ABTB2: variants seen among roughly 807,000 people sequenced by gnomAD.
ABTB2 encodes ankyrin repeat and BTB domain containing 2, also known as ankyrin repeat and BTB/POZ domain-containing protein 2.
In ABTB2, 56 loss-of-function variants were observed where a neutral mutation model predicts 104.1. The observed-to-expected ratio is 0.54, with a 90% confidence interval of 0.43 to 0.67. The LOEUF (loss-of-function observed/expected upper bound fraction) is 0.67. ABTB2 is among the 30% of genes least tolerant of loss of function. ABTB2 has a pLI of 0.00. For synonymous variants in ABTB2, 606 were observed against 608.2 expected, an observed-to-expected ratio of 1.00 and a Z score of 0.05; for missense variants, 1,279 against 1,407.7, an observed-to-expected ratio of 0.91 and a Z score of 1.46.
At chr11:34,260,701 C>A (rs773398100) in intron 1 of ABTB2, among the ~76,000 whole-genome samples, 8 of 152,160 alleles carry the variant, frequency 5.3e-5, no homozygotes, top group Non-Finnish European at 1.0e-4. Context: ...AATCGGTACC[C>A]CTCATTTTAC....
intron 1 of ABTB2, among the ~76,000 whole-genome samples, chr11:34,346,147 C>A (rs550152799): frequency 1.3e-5 from 2 of 152,212 alleles, no homozygotes; most frequent in African/African-American, 2.4e-5. Context: ...TTTGAAACAC[C>A]GGCCCTGCCA....
intron 1 of ABTB2, among the ~76,000 whole-genome samples, chr11:34,293,463 TAG>T (rs1319193992): frequency 2.6e-5 from 4 of 152,088 alleles, no homozygotes; most frequent in African/African-American, 9.7e-5. Context: ...AGGGTGGGCC[TAG>T]AGAGCTCTCT....
At position 34,152,537 on chromosome 11, in the gene ABTB2, G is replaced by C. The variant is rs753941809; in HGVS notation, c.2928C>G (p.Leu976=). The C allele has an allele frequency of 1.2e-5, 20 of 1,612,656 alleles. No individual in the cohort carries two copies. In the African/African-American group the frequency reaches 2.5e-4, roughly 20 times the overall value. The change falls in exon 17 of 17, where the codon CTC becomes CTG. Residue 976 remains leucine, a synonymous_variant. Coordinates refer to ENST00000435224, the MANE Select transcript of ABTB2 (RefSeq NM_145804.3). ...GCTCCAGTAGGGCCTTCATGTGCTTGAGGAAGAAGCCCTCACAGAACAGGG... is the reference window on the plus strand; with the variant it reads ...GCTCCAGTAGGGCCTTCATGTGCTTCAGGAAGAAGCCCTCACAGAACAGGG... The part of the protein sequence containing the change: ...ELALFCEGFF[L]KHMKALLEQD...
chr11:34,308,414 A>G (rs1446804219), intron 1 of ABTB2, among the ~76,000 whole-genome samples: 3 of 152,250 alleles, frequency 2.0e-5, no homozygotes, highest in Non-Finnish European at 2.9e-5. Context: ...AAAAGCAGGC[A>G]TAAAAACTTA....
intron 1 of ABTB2, among the ~76,000 whole-genome samples, chr11:34,287,147 G>A (rs575740482): frequency 1.9e-4 from 27 of 140,752 alleles, no homozygotes; most frequent in Non-Finnish European, 3.0e-4. Flanking sequence ...AGGAGTTCAA[G>A]ACCAGCCTGG....
rs567421079 is a variant in ABTB2 at position 34,313,582 on chromosome 11, C to A, written c.883+43119G>T. Among the ~76,000 whole-genome samples the A allele has an allele frequency of 9.2e-5, 14 of 152,320 alleles. No homozygotes were observed. In the South Asian group the frequency reaches 2.9e-3, roughly 32 times the overall value. On this transcript the variant is annotated intron_variant, in intron 1 of 16. Transcript: ENST00000435224. ...CAGACCATTGGACAAGGAGGATGTG[C>A]GGAGAATATCTCAAACGCCCTGAGA...
At chr11:34,186,139 T>C (rs1297490918) in intron 3 of ABTB2, among the ~76,000 whole-genome samples, 1 of 152,242 alleles carries the variant, frequency 6.6e-6, no homozygotes, top group Non-Finnish European at 1.5e-5. Flanking sequence ...TTTTGCTCTC[T>C]CAGCCTCATC....
intron 1 of ABTB2, among the ~76,000 whole-genome samples, chr11:34,219,447 G>A (rs1247093292): frequency 6.6e-6 from 1 of 152,084 alleles, no homozygotes; most frequent in African/African-American, 2.4e-5. Flanking sequence ...GGAGGCTGAG[G>A]AGGGAGGATT....
chr11:34,256,470 C>A (rs1446665271), intron 1 of ABTB2, among the ~76,000 whole-genome samples: 5 of 152,294 alleles, frequency 3.3e-5, no homozygotes, highest in African/African-American at 1.2e-4. Flanking sequence ...ACTGAAATAA[C>A]ACATCATTTG....
In ABTB2 at chr11:34,270,014, C is replaced by T. The variant is rs113805280; in HGVS notation, c.884-65324G>A. On this transcript the variant is annotated intron_variant, in intron 1 of 16. Transcript: ENST00000435224. ...AGTGGTACAGCCAGACTGAAACTTA[C>T]GTCTTCTGGCTCCTTATCTGGTGAC... Among the ~76,000 whole-genome samples the T allele has an allele frequency of 4.0e-3, 604 of 152,344 alleles. 15 individuals are homozygous for T. The East Asian group carries it at 0.067, about 17-fold the overall frequency.
At chr11:34,266,166 T>G (rs1303279713) in intron 1 of ABTB2, among the ~76,000 whole-genome samples, 1 of 152,148 alleles carries the variant, frequency 6.6e-6, no homozygotes, top group East Asian at 1.9e-4. Context: ...CATCGTAACC[T>G]CAAACTCCTG....
chr11:34,285,204 A>G (rs548499585), intron 1 of ABTB2, among the ~76,000 whole-genome samples: 2 of 152,030 alleles, frequency 1.3e-5, no homozygotes, highest in Admixed American at 1.3e-4. Flanking sequence ...GGGGAGGGGG[A>G]CATTTGCTGT....
At chr11:34,232,099 G>A (rs928302332) in intron 1 of ABTB2, among the ~76,000 whole-genome samples, 13 of 152,172 alleles carry the variant, frequency 8.5e-5, no homozygotes, top group African/African-American at 2.9e-4. Flanking sequence ...TAGGGGAAAC[G>A]GTGTGGGGTA....
At chr11:34,169,531 T>C (rs1396451691) in intron 5 of ABTB2, among the ~76,000 whole-genome samples, 1 of 152,128 alleles carries the variant, frequency 6.6e-6, no homozygotes, top group Non-Finnish European at 1.5e-5. Context: ...AGCTCTTACA[T>C]GGCCACTAAA....
At chr11:34,299,464 G>A (rs1590246857) in intron 1 of ABTB2, among the ~76,000 whole-genome samples, 1 of 152,136 alleles carries the variant, frequency 6.6e-6, no homozygotes, top group African/African-American at 2.4e-5. Flanking sequence ...GGAAAGCCAC[G>A]GTAGTATACT....
At chr11:34,306,982 TAAA>T (rs61161318) in intron 1 of ABTB2, among the ~76,000 whole-genome samples, 1 of 94,538 alleles carries the variant, frequency 1.1e-5, no homozygotes, top group South Asian at 3.3e-4. Flanking sequence ...TCAGGAAACT[TAAA>T]AAAAAAAAAA....
chr11:34,182,744 T>C (rs534285788), intron 3 of ABTB2, among the ~76,000 whole-genome samples: 11 of 152,098 alleles, frequency 7.2e-5, no homozygotes, highest in African/African-American at 2.4e-4. Context: ...TCAGGAGTAA[T>C]AGAAAAATGC....
chr11:34,227,286 GA>G (rs55966959), intron 1 of ABTB2, among the ~76,000 whole-genome samples: 23,624 of 125,024 alleles, frequency 0.19, 1,897 homozygotes, highest in East Asian at 0.3. Context: ...AAAAAAAAAA[GA>G]AAAAAAAAAA....
Position 34,152,323 on chromosome 11 carries a change from ACCCCGACATGGTGGG to A in ABTB2, c.*49_*63del. 1 of 1,500,650 alleles carries A rather than the reference ACCCCGACATGGTGGG, an allele frequency of 6.7e-7. No individual in the cohort carries two copies. The highest frequency in any genetic ancestry group is 8.9e-7 in the Non-Finnish European group (1 of 1,118,876). The allele number at this position is 1,500,650 out of a possible 1,614,324, so 93.0% of individuals were successfully genotyped here. A position where few individuals can be genotyped will look rare whatever the true frequency, so the allele number is the denominator to read the frequency against. ...TGGCTCCAAGAGGGCCTACAACCAT[ACCCCGACATGGTGGG>A]CCCTGGCACCTCCACAGGCCCTGGC... On this transcript the variant is annotated 3_prime_UTR_variant, in exon 17 of 17. Coordinates refer to ENST00000435224, the MANE Select transcript of ABTB2 (RefSeq NM_145804.3).
Sources: allele counts gnomAD v4.1 joint callset (sites outside exome capture counted in the v4.1 genomes callset), GRCh38; gene constraint gnomAD v4.1.1; transcripts MANE v1.5; gene names NCBI Gene and HGNC (gene_info 2026-07-23, HGNC 2026-07-21).